IGF1R: variants seen among roughly 807,000 people sequenced by gnomAD.
IGF1R encodes the protein insulin like growth factor 1 receptor, also known as insulin-like growth factor 1 receptor.
IGF1R carries 44 observed loss-of-function variants against 144.6 expected under a neutral mutation model. The observed-to-expected ratio is 0.30, with a 90% confidence interval of 0.24 to 0.39. The LOEUF is 0.39. IGF1R is among the 10% of genes least tolerant of loss of function. The pLI is 1.00. For synonymous variants in IGF1R, 795 were observed against 722.8 expected (o/e 1.10, Z -1.60); for missense variants, 1,355 against 1,833.7 (o/e 0.74, Z 4.77).
rs2053907780 is a variant in IGF1R at position 98,708,063 on chromosome 15, A to G, written c.596A>G (p.Asn199Ser). 3 of 1,614,058 alleles carry G rather than the reference A, an allele frequency of 1.9e-6. No homozygotes were observed. Among genetic ancestry groups the G allele is most frequent in the South Asian group, 1.1e-5 (1 of 91,066 alleles). The change falls in exon 2 of 21, where the codon AAT (asparagine) becomes AGT (serine). Residue 199 changes from asparagine (N) to serine (S), a missense_variant. By Grantham distance (46) the Asn-to-Ser change is conservative (BLOSUM62 1). Transcript: ENST00000650285. Reference protein sequence around the residue: ...KPMCEKTTINNEYNYRCWTTN... With the variant: ...KPMCEKTTINSEYNYRCWTTN... ...ATGTGTGAGAAGACCACCATCAACA[A>G]TGAGTACAACTACCGCTGCTGGACC... is the stretch of plus-strand genomic sequence containing the variant.
At chr15:98,664,971 T>TC (rs1289484017) in intron 1 of IGF1R, among the ~76,000 whole-genome samples, 1 of 151,028 alleles carries the variant, frequency 6.6e-6, no homozygotes, top group Non-Finnish European at 1.5e-5. Context: ...TTTTTTTTTT[T>TC]TTTTTGGATG....
rs575600424 is a variant in IGF1R at position 98,712,526 on chromosome 15, C to T, written c.640+4419C>T. Among the ~76,000 whole-genome samples the T allele has an allele frequency of 2.6e-5, 4 of 152,176 alleles. No individual in the cohort carries two copies. In the East Asian group the frequency reaches 7.7e-4, roughly 29 times the overall value. ...GCTGCTTCAGCTGTGTTCCTCTGCT[C>T]CTCCCCCTTACAGCAGTGACATAGC... On this transcript the variant is annotated intron_variant, in intron 2 of 20. Coordinates refer to ENST00000650285, the MANE Select transcript of IGF1R (RefSeq NM_000875.5).
At chr15:98,846,864 G>A (rs1311026291) in intron 2 of IGF1R, among the ~76,000 whole-genome samples, 1 of 152,206 alleles carries the variant, frequency 6.6e-6, no homozygotes, top group African/African-American at 2.4e-5. Flanking sequence ...ATAAATGTGT[G>A]AACACCTTGT....
At chr15:98,915,429 C>G (rs1228142859) in intron 8 of IGF1R, among the ~76,000 whole-genome samples, 1 of 152,200 alleles carries the variant, frequency 6.6e-6, no homozygotes, top group African/African-American at 2.4e-5. Context: ...CTCCCCCATC[C>G]CTCTTACACA....
At chr15:98,809,256 T>C (rs2056534070) in intron 2 of IGF1R, among the ~76,000 whole-genome samples, 1 of 152,202 alleles carries the variant, frequency 6.6e-6, no homozygotes, top group African/African-American at 2.4e-5. Flanking sequence ...CTAGCAGTAC[T>C]TCAGGGTACT....
intron 2 of IGF1R, among the ~76,000 whole-genome samples, chr15:98,741,605 C>T (rs528439854): frequency 1.5e-4 from 23 of 152,292 alleles, no homozygotes; most frequent in African/African-American, 4.6e-4. Context: ...CATTTCTGCA[C>T]GTCGGGGAAC....
intron 18 of IGF1R, among the ~76,000 whole-genome samples, chr15:98,940,523 C>T (rs1394877558): frequency 6.6e-6 from 1 of 152,200 alleles, no homozygotes; most frequent in Non-Finnish European, 1.5e-5. Context: ...CCTGCCTCAG[C>T]CTCCTGACTA....
intron 20 of IGF1R, among the ~76,000 whole-genome samples, chr15:98,952,141 C>T (rs1314235233): frequency 4.6e-5 from 7 of 152,148 alleles, no homozygotes; most frequent in Non-Finnish European, 8.8e-5. Context: ...GCAGAAGGCA[C>T]GACGTCCTTT....
chr15:98,657,146 G>A (rs1057090648), intron 1 of IGF1R, among the ~76,000 whole-genome samples: 1 of 152,206 alleles, frequency 6.6e-6, no homozygotes, highest in African/African-American at 2.4e-5. Flanking sequence ...TTACGTAAAT[G>A]AGACATCACC....
intron 1 of IGF1R, among the ~76,000 whole-genome samples, chr15:98,687,763 G>A (rs1020001132): frequency 2.0e-5 from 3 of 152,216 alleles, no homozygotes; most frequent in Non-Finnish European, 4.4e-5. Flanking sequence ...TGTAATTAAT[G>A]GTTAAGTTGG....
At chr15:98,824,655 C>T (rs2056859236) in intron 2 of IGF1R, among the ~76,000 whole-genome samples, 1 of 152,218 alleles carries the variant, frequency 6.6e-6, no homozygotes, top group Non-Finnish European at 1.5e-5. Flanking sequence ...TCCCACCCCA[C>T]TGCTGTTACT....
At chr15:98,923,771 C>G in intron 11 of IGF1R, 105 bp from the exon 12 acceptor site, 4 of 932,110 alleles carry the variant, frequency 4.3e-6, no homozygotes, top group Admixed American at 3.4e-5. Flanking sequence ...CTGATCTCCA[C>G]TGTCCTGCCC....
At chr15:98,821,573 C>T (rs2056803556) in intron 2 of IGF1R, among the ~76,000 whole-genome samples, 1 of 152,152 alleles carries the variant, frequency 6.6e-6, no homozygotes, top group African/African-American at 2.4e-5. Flanking sequence ...GTTAAATGTG[C>T]ATGATGCACT....
chr15:98,769,993 T>G (rs1407636882), intron 2 of IGF1R, among the ~76,000 whole-genome samples: 1 of 152,216 alleles, frequency 6.6e-6, no homozygotes, highest in Non-Finnish European at 1.5e-5. Context: ...TGGTCTTCGG[T>G]TGCTTCCTTG....
At chr15:98,767,974 A>T (rs1438249608) in intron 2 of IGF1R, among the ~76,000 whole-genome samples, 1 of 152,212 alleles carries the variant, frequency 6.6e-6, no homozygotes, top group Non-Finnish European at 1.5e-5. Flanking sequence ...AGGGTTCCTC[A>T]GTCTGCAGAC....
chr15:98,783,146 T>C (rs984461711), intron 2 of IGF1R, among the ~76,000 whole-genome samples: 1 of 152,204 alleles, frequency 6.6e-6, no homozygotes, highest in Non-Finnish European at 1.5e-5. Context: ...GAAATACTTG[T>C]AGATTCACAT....
At chr15:98,662,094 A>G (rs1044369002) in intron 1 of IGF1R, among the ~76,000 whole-genome samples, 9 of 149,300 alleles carry the variant, frequency 6.0e-5, no homozygotes, top group Admixed American at 3.4e-4. Context: ...ATTCTTGTGG[A>G]TCAGCTTCCC....
chr15:98,904,095 C>A (rs1000652651), intron 5 of IGF1R, among the ~76,000 whole-genome samples: 9 of 146,570 alleles, frequency 6.1e-5, no homozygotes, highest in Non-Finnish European at 1.2e-4. Context: ...CTCTGTCACC[C>A]AGGCTGCAGT....
At chr15:98,904,208 CG>C (rs1477468949) in intron 5 of IGF1R, among the ~76,000 whole-genome samples, 3 of 152,048 alleles carry the variant, frequency 2.0e-5, no homozygotes, top group African/African-American at 4.8e-5. Flanking sequence ...CTCACCACCA[CG>C]CCCGACTAAT....
Sources: allele counts gnomAD v4.1 joint callset (sites outside exome capture counted in the v4.1 genomes callset), GRCh38; gene constraint gnomAD v4.1.1; transcripts MANE v1.5; gene names NCBI Gene and HGNC (gene_info 2026-07-23, HGNC 2026-07-21).